Variants in CFAP69 observed in about 807,000 individuals in gnomAD.
CFAP69 encodes the protein cilia- and flagella-associated protein 69.
CFAP69 carries 92 observed loss-of-function variants against 123.0 expected under a neutral mutation model. The observed-to-expected ratio is 0.75, with a 90% CI of 0.63 to 0.89. The LOEUF is 0.89. Among genes scored for constraint, CFAP69 ranks in the 40% least tolerant of loss-of-function variants. The pLI is 0.00. For synonymous variants in CFAP69, 380 were observed against 364.3 expected (o/e 1.04, Z -0.49); for missense variants, 1,067 against 1,096.9 (o/e 0.97, Z 0.39).
At chr7:90,245,630 T>G (rs1584265692) in intron 1 of CFAP69, 86 bp downstream of exon 1, 1 of 1,402,988 alleles carries the variant, frequency 7.1e-7, no homozygotes. Context: ...GTGGCAAGGG[T>G]GGAACTGGGG....
chr7:90,289,163 T>C (rs1790732155), intron 15 of CFAP69, among the ~76,000 whole-genome samples: 1 of 152,022 alleles, frequency 6.6e-6, no homozygotes, highest in Non-Finnish European at 1.5e-5. Flanking sequence ...TTCTGTCCAG[T>C]ATACACCTAG....
At chr7:90,253,626 A>G (rs1053675122) in intron 1 of CFAP69, among the ~76,000 whole-genome samples, 2 of 152,116 alleles carry the variant, frequency 1.3e-5, no homozygotes, top group Non-Finnish European at 2.9e-5. Flanking sequence ...TCCTAACCTC[A>G]GATGATCCAC....
chr7:90,253,144 G>C (rs540596704), intron 1 of CFAP69, among the ~76,000 whole-genome samples: 125 of 152,252 alleles, frequency 8.2e-4, no homozygotes, highest in African/African-American at 2.8e-3. Flanking sequence ...AAGCGTGAAA[G>C]CAGGAAAGAG....
In CFAP69 at chr7:90,310,582, G is replaced by A. The variant is rs537053442; in HGVS notation, c.*344G>A. On this transcript the variant is annotated 3_prime_UTR_variant, in exon 23 of 23. Transcript: ENST00000389297. Reference sequence around the variant, plus strand: ...CAGGCTCTATACCTATCAAATCTAGGAGGAATTTAGACTACAGGCATTGCT... The same window carrying A: ...CAGGCTCTATACCTATCAAATCTAGAAGGAATTTAGACTACAGGCATTGCT... 82 of 153,918 alleles carry A rather than the reference G, an allele frequency of 5.3e-4. No homozygotes were observed. Among genetic ancestry groups the A allele is most frequent in the Non-Finnish European group, 1.0e-3 (70 of 69,380 alleles). The allele number at this position is 153,918 out of a possible 1,614,324, so 9.5% of individuals were successfully genotyped here. A position where few individuals can be genotyped will look rare whatever the true frequency, so the allele number is the denominator to read the frequency against.
intron 14 of CFAP69, chr7:90,287,593 G>T (rs1352269587): frequency 1.0e-6 from 1 of 985,202 alleles, no homozygotes; most frequent in African/African-American, 1.7e-5. Context: ...AAAAATGATG[G>T]TTTCAATAGA....
intron 12 of CFAP69, 35 bp downstream of exon 12, chr7:90,279,928 A>C: frequency 6.7e-7 from 1 of 1,483,064 alleles, no homozygotes; most frequent in Non-Finnish European, 9.1e-7. Flanking sequence ...TCAAAATTCT[A>C]ATCTTCATAT....
intron 6 of CFAP69, among the ~76,000 whole-genome samples, chr7:90,271,311 T>C (rs1476739721): frequency 6.6e-6 from 1 of 152,044 alleles, no homozygotes; most frequent in African/African-American, 2.4e-5. Context: ...TAGAGTTGAG[T>C]AGTTGGCAAG....
At chr7:90,269,674 G>T (rs1169356037) in intron 6 of CFAP69, among the ~76,000 whole-genome samples, 1 of 152,124 alleles carries the variant, frequency 6.6e-6, no homozygotes, top group Non-Finnish European at 1.5e-5. Flanking sequence ...AGAATCAGAG[G>T]ATTGTGAGAG....
At chr7:90,250,339 G>A (rs192044621) in intron 1 of CFAP69, among the ~76,000 whole-genome samples, 49 of 152,200 alleles carry the variant, frequency 3.2e-4, no homozygotes, top group Middle Eastern at 3.4e-3. Flanking sequence ...TAATAGCTAC[G>A]TGGCTTTAAC....
At position 90,282,924 on chromosome 7, in the gene CFAP69, G is replaced by A. The variant is rs374648496; in HGVS notation, c.1405G>A (p.Gly469Ser). The change falls in exon 13 of 23, where the codon GGT (glycine) becomes AGT (serine). Residue 469 changes from glycine (G) to serine (S), a missense_variant. Transcript: ENST00000389297. ...TTTCAGTCATGGTAACAGTTTTCAT[G>A]GTACAGGTGGCCGAGGCAACAAGTT... ...PFFSHGNSFHGTGGRGNKFAQ... is the reference protein window; with the variant it reads ...PFFSHGNSFHSTGGRGNKFAQ... 1.2e-5 allele frequency: 18 copies of A among 1,557,240 alleles called. No individual in the cohort carries two copies. The highest frequency in any genetic ancestry group is 6.9e-5 in the African/African-American group (5 of 72,228).
In CFAP69 at chr7:90,288,231, C is replaced by T; in HGVS notation, c.1657-3C>T. 9 of 1,597,734 alleles carry T rather than the reference C, an allele frequency of 5.6e-6. No homozygotes were observed. Among genetic ancestry groups the T allele is most frequent in the Non-Finnish European group, 7.7e-6 (9 of 1,168,152 alleles). On this transcript the variant is annotated splice_region_variant and splice_polypyrimidine_tract_variant and intron_variant, in intron 14 of 22. Coordinates refer to ENST00000389297, the MANE Select transcript of CFAP69 (RefSeq NM_001039706.3). Reference sequence around the variant, plus strand: ...AATAATTTAAAACAAATATCTTAAACAGGAAATTTTCGGAACTGAAGGAGT... The same window carrying T: ...AATAATTTAAAACAAATATCTTAAATAGGAAATTTTCGGAACTGAAGGAGT...
At chr7:90,294,945 G>T (rs375261940) in intron 15 of CFAP69, among the ~76,000 whole-genome samples, 1 of 152,156 alleles carries the variant, frequency 6.6e-6, no homozygotes, top group East Asian at 1.9e-4. Flanking sequence ...GGAAGGTGAG[G>T]TGCTCAGGGA....
At position 90,309,366 on chromosome 7, in the gene CFAP69, C is replaced by T. The variant is rs1134956; in HGVS notation, c.2654C>T (p.Thr885Met). 798,826 of 1,477,024 alleles carry T rather than the reference C, an allele frequency of 0.54. 223,103 individuals carry two copies. The highest frequency in any genetic ancestry group is 0.58 in the Non-Finnish European group (623,672 of 1,079,560). 91.5% of individuals were successfully genotyped at this position (1,477,024 alleles called of 1,614,324 possible). ...ACACATATTAAAGGCCTTAACACAA[C>T]GGTAAGATTCTTTCTCCATAACATT... ...HQTHIKGLNTTVPSGGVVTVE... is the reference protein window; with the variant it reads ...HQTHIKGLNTMVPSGGVVTVE... Residue 885 changes from threonine to methionine, a missense_variant and splice_region_variant, in exon 22 of 23, where the codon ACG (threonine) becomes ATG (methionine). Thr to Met is a moderately conservative substitution (Grantham distance 81). Transcript: ENST00000389297.
At chr7:90,304,688 T>G in intron 18 of CFAP69, 56 bp from the exon 19 acceptor site, 2 of 1,510,110 alleles carry the variant, frequency 1.3e-6, no homozygotes, top group Non-Finnish European at 1.8e-6. Context: ...GATAGATAGA[T>G]TCTTAGAATC....
Position 90,271,687 on chromosome 7 carries a change from A to G in CFAP69, c.682+12A>G, listed in dbSNP as rs1223284895. On this transcript the variant is annotated intron_variant, in intron 7 of 22. Coordinates refer to ENST00000389297, the MANE Select transcript of CFAP69 (RefSeq NM_001039706.3). Reference sequence around the variant, plus strand: ...TCTCTCAACTTCTGGTTTGTATATTATTAAGTTTAAACACTTCATTGTCAA... The same window carrying G: ...TCTCTCAACTTCTGGTTTGTATATTGTTAAGTTTAAACACTTCATTGTCAA... 4 of 1,611,262 alleles carry G rather than the reference A, an allele frequency of 2.5e-6. No homozygotes were observed. In the East Asian group the frequency reaches 8.9e-5, roughly 36 times the overall value.
chr7:90,254,716 A>G (rs1050761041), intron 1 of CFAP69, among the ~76,000 whole-genome samples: 4 of 152,194 alleles, frequency 2.6e-5, no homozygotes, highest in Admixed American at 6.5e-5. Context: ...ATGTAACAAC[A>G]TGAGTGACAA....
intron 5 of CFAP69, among the ~76,000 whole-genome samples, chr7:90,265,706 A>G (rs980501948): frequency 6.6e-6 from 1 of 152,196 alleles, no homozygotes; most frequent in African/African-American, 2.4e-5. Context: ...AAATAATCAC[A>G]AAAACATTTC....
chr7:90,295,058 CAA>C (rs1306102150), intron 15 of CFAP69, among the ~76,000 whole-genome samples: 1 of 152,160 alleles, frequency 6.6e-6, no homozygotes, highest in Non-Finnish European at 1.5e-5. Context: ...CATTTGCTCT[CAA>C]GTTTCCCCTT....
rs187154772 is a variant in CFAP69, at chr7:90,277,286, A to G, written c.1107A>G (p.Leu369=). ...NSYEDFELKK[L]LFNVIVILCK... ...ATGAAGATTTTGAGTTGAAGAAATT[A>G]CTATTCAACGTAATTGTGATCTTAT... Residue 369 remains leucine, a synonymous_variant, in exon 11 of 23, where the codon TTA becomes TTG. Coordinates refer to ENST00000389297, the MANE Select transcript of CFAP69 (RefSeq NM_001039706.3). 1.8e-4 allele frequency: 285 copies of G among 1,591,910 alleles called. No individual in the cohort carries two copies. In the African/African-American group the frequency reaches 3.4e-3, roughly 19 times the overall value.
Sources: allele counts gnomAD v4.1 joint callset (sites outside exome capture counted in the v4.1 genomes callset), GRCh38; gene constraint gnomAD v4.1.1; transcripts MANE v1.5; gene names NCBI Gene and HGNC (gene_info 2026-07-23, HGNC 2026-07-21).